Variants in RGS7 observed in about 807,000 individuals in gnomAD.
RGS7 encodes the protein regulator of G-protein signaling 7.
A neutral mutation model predicts 81.1 loss-of-function variants in RGS7; 27 were observed. That is an observed-to-expected ratio of 0.33 (90% CI 0.25 to 0.46). The LOEUF (loss-of-function observed/expected upper bound fraction) is 0.46, where lower values mean the gene tolerates loss of function less well. Ranked by LOEUF, RGS7 falls within the 20% of genes least tolerant of loss-of-function variation. The pLI is 1.00. For missense variants in RGS7, 396 were observed against 607.4 expected (o/e 0.65, Z 3.66); for synonymous variants, 208 against 207.7 (o/e 1.00, Z -0.01).
chr1:240,862,804 CTT>C (rs1290973028), intron 9 of RGS7, among the ~76,000 whole-genome samples: 1 of 152,112 alleles, frequency 6.6e-6, no homozygotes, highest in Non-Finnish European at 1.5e-5. Context: ...AATCTCAAGA[CTT>C]TTAAAATTGA....
intron 3 of RGS7, among the ~76,000 whole-genome samples, chr1:241,088,814 A>G (rs1465016540): frequency 1.3e-5 from 2 of 151,696 alleles, no homozygotes; most frequent in African/African-American, 2.4e-5. Context: ...GATCGAGACC[A>G]TCCTGGCTAA....
At chr1:240,813,040 TTTGTAAA>T (rs1182565733) in intron 13 of RGS7, among the ~76,000 whole-genome samples, 18 of 152,304 alleles carry the variant, frequency 1.2e-4, no homozygotes, top group African/African-American at 4.3e-4. Context: ...CCATCTTTTC[TTTGTAAA>T]GTGATACGCC....
rs1673364078 is a variant in RGS7, at chr1:240,920,642, A to C, written c.385+10075T>G. On this transcript the variant is annotated intron_variant, in intron 6 of 18. Transcript: ENST00000440928. ...GAAACAAAGCTTAGCGGAAGAGGAG[A>C]GCCAGAGAAGTGACAGGGAAGCTAC... 3 of 1,095,634 alleles carry C rather than the reference A, an allele frequency of 2.7e-6. No individual in the cohort carries two copies. The Admixed American group carries it at 5.5e-5, about 20-fold the overall frequency. 67.9% of individuals were successfully genotyped at this position (1,095,634 alleles called of 1,614,324 possible).
chr1:241,139,936 G>A (rs1209229699), intron 2 of RGS7, among the ~76,000 whole-genome samples: 1 of 152,166 alleles, frequency 6.6e-6, no homozygotes, highest in Non-Finnish European at 1.5e-5. Context: ...GTGTCAGCCT[G>A]CATGGATTCT....
chr1:240,969,230 TC>T (rs1558537884), intron 4 of RGS7, among the ~76,000 whole-genome samples: 1 of 152,200 alleles, frequency 6.6e-6, no homozygotes, highest in East Asian at 1.9e-4. Context: ...ATGTCTTATT[TC>T]TTTGCCAAAG....
chr1:241,270,141 C>T (rs2077795828), intron 2 of RGS7, among the ~76,000 whole-genome samples: 3 of 152,184 alleles, frequency 2.0e-5, no homozygotes, highest in Non-Finnish European at 2.9e-5. Flanking sequence ...GCCAGCTCTG[C>T]CCGCCTCCAC....
chr1:240,776,957 G>GT lies in RGS7; in HGVS notation c.*7-745dup, dbSNP rs1360132352. On this transcript the variant is annotated intron_variant, in intron 18 of 18. Coordinates refer to ENST00000440928, the MANE Select transcript of RGS7 (RefSeq NM_001364886.1). ...CACATACTTATGTTTTAGAAATCTT[G>GT]TAAGTCAACAGTGTTGCTGTTAATC... 2.6e-5 allele frequency among the ~76,000 whole-genome samples: 4 copies of GT among 152,126 alleles called. No individual in the cohort carries two copies. In the East Asian group the frequency reaches 7.7e-4, roughly 29 times the overall value.
chr1:240,998,037 TC>T (rs1687557260), intron 3 of RGS7, among the ~76,000 whole-genome samples: 1 of 152,212 alleles, frequency 6.6e-6, no homozygotes, highest in African/African-American at 2.4e-5. Flanking sequence ...TGTTTTCATT[TC>T]CCCGTTATGC....
intron 4 of RGS7, among the ~76,000 whole-genome samples, chr1:240,968,598 T>G (rs1682714611): frequency 2.0e-5 from 3 of 152,036 alleles, no homozygotes; most frequent in Admixed American, 6.6e-5. Flanking sequence ...CTCCCTCACT[T>G]AAAGGGGAAT....
At chr1:241,345,169 G>A (rs1413297854) in intron 2 of RGS7, among the ~76,000 whole-genome samples, 1 of 152,192 alleles carries the variant, frequency 6.6e-6, no homozygotes, top group Non-Finnish European at 1.5e-5. Context: ...TTACTTATAA[G>A]TAGGAGCTAA....
At chr1:241,049,760 T>C (rs1276665947) in intron 3 of RGS7, among the ~76,000 whole-genome samples, 2 of 152,188 alleles carry the variant, frequency 1.3e-5, no homozygotes, top group Non-Finnish European at 2.9e-5. Flanking sequence ...CAGGCTTTGG[T>C]CATGTAAAAG....
intron 2 of RGS7, among the ~76,000 whole-genome samples, chr1:241,239,263 G>A (rs986851579): frequency 3.3e-5 from 5 of 151,978 alleles, no homozygotes; most frequent in Non-Finnish European, 5.9e-5. Flanking sequence ...CACCGCGCCC[G>A]GCCATCCCTC....
chr1:240,975,281 A>G (rs909748152), intron 4 of RGS7, among the ~76,000 whole-genome samples: 1 of 152,156 alleles, frequency 6.6e-6, no homozygotes, highest in African/African-American at 2.4e-5. Context: ...GTGCGCCTGT[A>G]GTCTCAGCTA....
chr1:241,079,047 T>C (rs987950658), intron 3 of RGS7, among the ~76,000 whole-genome samples: 1 of 152,152 alleles, frequency 6.6e-6, no homozygotes, highest in Non-Finnish European at 1.5e-5. Flanking sequence ...CTGGAGGAAT[T>C]TGAAACTTGT....
chr1:241,192,252 C>CGTGTGT lies in RGS7; in HGVS notation c.79-93496_79-93491dup, dbSNP rs56677676. Among the ~76,000 whole-genome samples the CGTGTGT allele has an allele frequency of 1.4e-3, 171 of 124,756 alleles. 1 individual carries two copies. Among genetic ancestry groups the CGTGTGT allele is most frequent in the African/African-American group, 5.0e-3 (155 of 31,122 alleles). 81.8% of individuals were successfully genotyped at this position (124,756 alleles called of 152,430 possible). ...GGCTTGGTTTTATTTTCTGTCTGCA[C>CGTGTGT]GTGTGTGTGTGTGTGTGTGTGTGTG... On this transcript the variant is annotated intron_variant, in intron 2 of 18. Coordinates refer to ENST00000440928, the MANE Select transcript of RGS7 (RefSeq NM_001364886.1).
intron 2 of RGS7, among the ~76,000 whole-genome samples, chr1:241,168,608 G>A (rs568757968): frequency 2.0e-5 from 3 of 152,172 alleles, no homozygotes; most frequent in African/African-American, 7.2e-5. Flanking sequence ...CAAAGGTTGG[G>A]GGATTTTGCA....
chr1:240,784,610 C>T (rs1235018342), intron 18 of RGS7, among the ~76,000 whole-genome samples: 3 of 151,082 alleles, frequency 2.0e-5, no homozygotes, highest in African/African-American at 7.3e-5. Flanking sequence ...TGCTCCACTG[C>T]GCTCCAGCCT....
chr1:241,312,987 T>A (rs978301309), intron 2 of RGS7, among the ~76,000 whole-genome samples: 6 of 151,606 alleles, frequency 4.0e-5, no homozygotes, highest in Non-Finnish European at 8.8e-5. Flanking sequence ...GGATAGATGA[T>A]CAAACCCGCC....
At chr1:241,169,270 A>G (rs1239923033) in intron 2 of RGS7, among the ~76,000 whole-genome samples, 3 of 151,786 alleles carry the variant, frequency 2.0e-5, no homozygotes, top group Non-Finnish European at 4.4e-5. Flanking sequence ...CCTTAAGAAA[A>G]TCAAGTCCTT....
Sources: allele counts gnomAD v4.1 joint callset (sites outside exome capture counted in the v4.1 genomes callset), GRCh38; gene constraint gnomAD v4.1.1; transcripts MANE v1.5; gene names NCBI Gene and HGNC (gene_info 2026-07-23, HGNC 2026-07-21).